The following SLC6A3 variants were observed in gnomAD, a reference collection of about 807,000 sequenced individuals.
SLC6A3 encodes the protein sodium-dependent dopamine transporter.
In SLC6A3, 19 loss-of-function variants were observed where a neutral mutation model predicts 70.4. The observed-to-expected ratio is 0.27, with a 90% confidence interval of 0.19 to 0.40. The LOEUF (loss-of-function observed/expected upper bound fraction) is 0.40, where lower values mean the gene tolerates loss of function less well. Ranked by LOEUF, SLC6A3 falls within the 10% of genes least tolerant of loss-of-function variation. SLC6A3 has a pLI of 1.00. For missense variants in SLC6A3, 613 were observed against 838.5 expected (o/e 0.73, Z 3.32); for synonymous variants, 368 against 356.6 (o/e 1.03, Z -0.36).
Position 1,421,725 on chromosome 5 carries a change from ATGGCCATGTGTCCACCCCAACC to A in SLC6A3, c.792+129_792+150del. 1.2e-6 allele frequency: 1 copy of A among 838,752 alleles called. No homozygotes were observed. The highest frequency in any genetic ancestry group is 2.0e-6 in the Non-Finnish European group (1 of 489,420). The allele number at this position is 838,752 out of a possible 1,614,324, so 52.0% of individuals were successfully genotyped here. On this transcript the variant is annotated intron_variant, in intron 5 of 14. Transcript: ENST00000270349. The surrounding 1 kb of genome is among the most constrained non-coding windows in gnomAD (Gnocchi z 7.2). ...CCATATGAGTCTCCCAAACTCAACC[ATGGCCATGTGTCCACCCCAACC>A]TGGCCATGGCCACATTGGTAGCACA...
chr5:1,418,371 A>G (rs1472500073), intron 6 of SLC6A3, among the ~76,000 whole-genome samples: 1 of 152,034 alleles, frequency 6.6e-6, no homozygotes, highest in Non-Finnish European at 1.5e-5. Flanking sequence ...TTCACTATAC[A>G]TCAATCCATC....
chr5:1,414,443 G>GCC, intron 8 of SLC6A3, among the ~76,000 whole-genome samples: 1 of 150,494 alleles, frequency 6.6e-6, no homozygotes, highest in Non-Finnish European at 1.5e-5. Flanking sequence ...TGGGTGGGGG[G>GCC]CCGGGAGGGG....
intron 8 of SLC6A3, 128 bp downstream of exon 8, chr5:1,414,560 AGGC>A: frequency 1.1e-6 from 1 of 931,432 alleles, no homozygotes; most frequent in Non-Finnish European, 1.6e-6. Context: ...TTCAAGAGTG[AGGC>A]AGCAACTCTC....
At chr5:1,434,072 TA>T (rs1756773706) in intron 3 of SLC6A3, among the ~76,000 whole-genome samples, 1 of 152,256 alleles carries the variant, frequency 6.6e-6, no homozygotes, top group African/African-American at 2.4e-5. Context: ...TGGCCATCTA[TA>T]GCTGCTCATG....
chr5:1,419,128 CCATT>C (rs1445435795), intron 6 of SLC6A3, among the ~76,000 whole-genome samples: 119 of 151,188 alleles, frequency 7.9e-4, no homozygotes, highest in African/African-American at 2.7e-3. Context: ...CATGCATCAT[CCATT>C]CATCCATCCA....
Position 1,405,748 on chromosome 5 carries a change from G to A in SLC6A3, c.1599+440C>T, listed in dbSNP as rs1375799915. ...GACACAGTGATGCTGCTGAGCCAGA[G>A]GGAGGCTTGCGTGAGCAACGGGACA... On this transcript the variant is annotated intron_variant, in intron 12 of 14. Coordinates refer to ENST00000270349, the MANE Select transcript of SLC6A3 (RefSeq NM_001044.5). This position sits in a 1 kb window ranked among gnomAD's most constrained non-coding sequence, Gnocchi z 5.3. 6.6e-6 allele frequency among the ~76,000 whole-genome samples: 1 copy of A among 152,282 alleles called. No homozygotes were observed. The highest frequency in any genetic ancestry group is 2.4e-5 in the African/African-American group (1 of 41,472).
chr5:1,434,955 C>T (rs2937643), intron 3 of SLC6A3, among the ~76,000 whole-genome samples: 5,922 of 152,248 alleles, frequency 0.039, 358 homozygotes, highest in African/African-American at 0.13. Context: ...GTAGTGGTGA[C>T]GATGAAAGCC....
rs147393586 is a variant in SLC6A3, at chr5:1,412,765, C to T, written c.1157-1410G>A. Reference sequence around the variant, plus strand: ...GCCCTAGCCTGCAGGAATAGGCCTGCGCCTGGCCTTTTAAATAATCAAAGG... The same window carrying T: ...GCCCTAGCCTGCAGGAATAGGCCTGTGCCTGGCCTTTTAAATAATCAAAGG... On this transcript the variant is annotated intron_variant, in intron 8 of 14. Transcript: ENST00000270349. 3.5e-3 allele frequency among the ~76,000 whole-genome samples: 535 copies of T among 152,346 alleles called. 2 individuals carry two copies. The highest frequency in any genetic ancestry group is 0.012 in the African/African-American group (499 of 41,574).
intron 10 of SLC6A3, 53 bp from the exon 11 acceptor site, chr5:1,409,178 AC>A (rs1756055830): frequency 7.7e-7 from 1 of 1,295,358 alleles, no homozygotes; most frequent in Non-Finnish European, 1.1e-6. Flanking sequence ...CCAGAGGTAA[AC>A]CCAGCCTGGG....
In SLC6A3 at chr5:1,416,170, A is replaced by G; in HGVS notation, c.959T>C (p.Phe320Ser). 1 of 1,613,850 alleles carries G rather than the reference A, an allele frequency of 6.2e-7. No homozygotes were observed. Among genetic ancestry groups the G allele is most frequent in the Non-Finnish European group, 8.5e-7 (1 of 1,179,960 alleles). ...VWIDAATQVC[F>S]SLGVGFGVLI... ...CACCCCGAACCCCACGCCCAGGGAGAAGCACACCTGGGTGGCCGCGTCAAT... is the reference window on the plus strand; with the variant it reads ...CACCCCGAACCCCACGCCCAGGGAGGAGCACACCTGGGTGGCCGCGTCAAT... The change falls in exon 7 of 15, where the codon TTC becomes TCC. Residue 320 changes from phenylalanine (F) to serine (S), a missense_variant. This residue lies in a region of SLC6A3 where 348 missense variants were observed against 481.2 expected (regional missense o/e 0.72). Transcript: ENST00000270349.
chr5:1,439,345 G>A (rs1449465491), intron 3 of SLC6A3, among the ~76,000 whole-genome samples: 3 of 138,226 alleles, frequency 2.2e-5, no homozygotes, highest in Non-Finnish European at 4.7e-5. Context: ...TGGGGGTGGG[G>A]AGGGAGGCCT....
intron 8 of SLC6A3, among the ~76,000 whole-genome samples, chr5:1,412,775 T>C (rs896457773): frequency 3.3e-5 from 5 of 152,204 alleles, no homozygotes; most frequent in African/African-American, 1.2e-4. Context: ...CGCCTGGCCT[T>C]TTAAATAATC....
At chr5:1,410,482 T>C (rs1017350951) in intron 9 of SLC6A3, among the ~76,000 whole-genome samples, 1 of 151,998 alleles carries the variant, frequency 6.6e-6, no homozygotes, top group Non-Finnish European at 1.5e-5. Context: ...GATTCTGGGT[T>C]CTTTGGTCCC....
Position 1,404,606 on chromosome 5 carries a change from C to T in SLC6A3, c.1600-1517G>A, listed in dbSNP as rs1178951123. ...TGAACGAGACTGGGGCGTGTACACC[C>T]CTTACGACCAGAGGTTAGCACACGC... On this transcript the variant is annotated intron_variant, in intron 12 of 14. Transcript: ENST00000270349. The surrounding 1 kb of genome is among the most constrained non-coding windows in gnomAD (Gnocchi z 5.2). Among the ~76,000 whole-genome samples the T allele has an allele frequency of 6.6e-6, 1 of 152,204 alleles. No individual in the cohort carries two copies. Among genetic ancestry groups the T allele is most frequent in the Non-Finnish European group, 1.5e-5 (1 of 68,042 alleles).
At chr5:1,440,384 T>C (rs1228881799) in intron 3 of SLC6A3, among the ~76,000 whole-genome samples, 1 of 152,064 alleles carries the variant, frequency 6.6e-6, no homozygotes, top group Admixed American at 6.5e-5. Context: ...GATCCATAGA[T>C]AGATGAATGG....
Position 1,397,431 on chromosome 5 carries a change from A to AAAAC in SLC6A3, c.1840-2677_1840-2674dup, listed in dbSNP as rs57510492. Among the ~76,000 whole-genome samples, 1,059 of 151,884 alleles carry AAAAC rather than the reference A, an allele frequency of 7.0e-3. 8 individuals are homozygous for AAAAC. The highest frequency in any genetic ancestry group is 0.019 in the East Asian group (97 of 5,174). ...GGGCTACAGAGCGAGACTCCGTCTC[A>AAAAC]AAACAAACAAACAAACAAACAAACA... On this transcript the variant is annotated intron_variant, in intron 14 of 14. Transcript: ENST00000270349. This position sits in a 1 kb window ranked among gnomAD's most constrained non-coding sequence, Gnocchi z 4.7.
In SLC6A3 at chr5:1,421,014, G is replaced by A. The variant is rs542281985; in HGVS notation, c.793-311C>T. Among the ~76,000 whole-genome samples, 5 of 152,314 alleles carry A rather than the reference G, an allele frequency of 3.3e-5. No homozygotes were observed. Among genetic ancestry groups the A allele is most frequent in the East Asian group, 1.9e-4 (1 of 5,184 alleles). On this transcript the variant is annotated intron_variant, in intron 5 of 14. Transcript: ENST00000270349. This position sits in a 1 kb window ranked among gnomAD's most constrained non-coding sequence, Gnocchi z 7.2. The stretch of plus-strand genomic sequence containing the variant: ...ATGGGGGTTTTCTGATGCGTGGGAC[G>A]TGAGTGGATTCACACTGGTGAACGG...
chr5:1,420,696 C>T lies in SLC6A3; in HGVS notation c.800G>A (p.Trp267Ter). 1 of 1,613,298 alleles carries T rather than the reference C, an allele frequency of 6.2e-7. No homozygotes were observed. The highest frequency in any genetic ancestry group is 2.2e-5 in the East Asian group (1 of 44,878). The stretch of plus-strand genomic sequence containing the variant: ...CACGTATGGCATGGTGGCTGTGATC[C>T]ATACCACCTGCAGGAGAGGACAGTG... The part of the protein sequence containing the change: ...KGVKTSGKVV[W>*]ITATMPYVVL... Residue 267 changes from tryptophan to a stop codon, truncating the protein, a stop_gained, in exon 6 of 15, where the codon TGG becomes TAG. Coordinates refer to ENST00000270349, the MANE Select transcript of SLC6A3 (RefSeq NM_001044.5). LOFTEE classifies it high-confidence loss of function.
chr5:1,422,174 G>A (rs1182862933), intron 4 of SLC6A3, among the ~76,000 whole-genome samples, 160 bp from the exon 5 acceptor site: 1 of 152,230 alleles, frequency 6.6e-6, no homozygotes, highest in African/African-American at 2.4e-5. Flanking sequence ...CTGGCCCACA[G>A]GCCCTGGCAG....
Sources: allele counts gnomAD v4.1 joint callset (sites outside exome capture counted in the v4.1 genomes callset), GRCh38; gene constraint gnomAD v4.1.1; regional missense constraint gnomAD v4.1.1; non-coding constraint Gnocchi (gnomAD v3.1); transcripts MANE v1.5; gene names NCBI Gene and HGNC (gene_info 2026-07-23, HGNC 2026-07-21).